The following AKAP7 variants were observed in gnomAD, a reference collection of about 807,000 sequenced individuals.
AKAP7 encodes A-kinase anchoring protein 7, also known as A kinase (PRKA) anchor protein 7.
Under a neutral mutation model 39.5 loss-of-function variants are expected in AKAP7, and 39 were observed. The observed-to-expected ratio is 0.99, with a 90% CI of 0.76 to 1.29. The LOEUF is 1.29. Ranked by LOEUF, AKAP7 falls within the 50% of genes most tolerant of loss-of-function variation. The probability of loss-of-function intolerance (pLI) is 0.00; values close to 1 mark genes in which losing one functional copy is unlikely to be tolerated. For synonymous variants in AKAP7, 140 were observed against 139.1 expected, an observed-to-expected ratio of 1.01 and a Z score of -0.05; for missense variants, 414 against 407.7, an observed-to-expected ratio of 1.02 and a Z score of -0.13.
intron 5 of AKAP7, among the ~76,000 whole-genome samples, chr6:131,197,572 T>G (rs1338813881): frequency 6.6e-6 from 1 of 152,220 alleles, no homozygotes. Context: ...TCTTTATGTT[T>G]TCTTTTTCTT....
At position 131,225,875 on chromosome 6, in the gene AKAP7, C is replaced by G. The variant is rs367973423; in HGVS notation, c.850+6067C>G. 1.2e-4 allele frequency among the ~76,000 whole-genome samples: 18 copies of G among 152,304 alleles called. 1 individual carries two copies. In the East Asian group the frequency reaches 3.3e-3, roughly 28 times the overall value. The stretch of plus-strand genomic sequence containing the variant: ...GGATTTCTTTTACACCCCATCACAT[C>G]TTTTACTGTGTGACTCAGAAATCAC... On this transcript the variant is annotated intron_variant, in intron 7 of 7. Transcript: ENST00000431975.
intron 5 of AKAP7, among the ~76,000 whole-genome samples, chr6:131,178,467 A>T (rs1804784882): frequency 6.6e-6 from 1 of 152,152 alleles, no homozygotes; most frequent in African/African-American, 2.4e-5. Flanking sequence ...GCTTTTCTTA[A>T]AATCCCTTGA....
chr6:131,229,947 A>G (rs1043674253), intron 7 of AKAP7, among the ~76,000 whole-genome samples: 2 of 152,184 alleles, frequency 1.3e-5, no homozygotes, highest in African/African-American at 4.8e-5. Context: ...TCTGTGTAGT[A>G]TTCCATGATG....
chr6:131,150,705 T>C (rs2128230571), intron 2 of AKAP7, among the ~76,000 whole-genome samples: 1 of 152,280 alleles, frequency 6.6e-6, no homozygotes, highest in South Asian at 2.1e-4. Context: ...CCAGGTACTG[T>C]TATTGGTGCT....
intron 1 of AKAP7, chr6:131,137,751 G>A (rs927995685): frequency 2.0e-5 from 3 of 152,058 alleles, no homozygotes; most frequent in African/African-American, 7.2e-5. Context: ...TATATTTAAA[G>A]GTATGGTTTT....
chr6:131,249,177 T>C (rs1705727427), intron 7 of AKAP7, among the ~76,000 whole-genome samples: 1 of 152,182 alleles, frequency 6.6e-6, no homozygotes, highest in African/African-American at 2.4e-5. Flanking sequence ...ACAATATTTC[T>C]AATGTGGAAG....
chr6:131,156,572 C>T (rs924095160), intron 2 of AKAP7, among the ~76,000 whole-genome samples: 2 of 151,810 alleles, frequency 1.3e-5, no homozygotes, highest in Admixed American at 6.6e-5. Context: ...CCCAGGAGTT[C>T]GAGGTTACAG....
chr6:131,230,428 A>AT (rs1203124285), intron 7 of AKAP7, among the ~76,000 whole-genome samples: 4 of 151,938 alleles, frequency 2.6e-5, no homozygotes, highest in Admixed American at 6.6e-5. Context: ...TCCTTTGCCC[A>AT]TTTTTTAATG....
chr6:131,236,761 C>T (rs1811102337), intron 7 of AKAP7, among the ~76,000 whole-genome samples: 2 of 152,212 alleles, frequency 1.3e-5, no homozygotes, highest in South Asian at 4.1e-4. Context: ...ATTTTGTATC[C>T]TGAGACTTTG....
At chr6:131,155,790 C>T (rs10214430) in intron 2 of AKAP7, among the ~76,000 whole-genome samples, 4,951 of 152,176 alleles carry the variant, frequency 0.033, 254 homozygotes, top group East Asian at 0.18. Context: ...GTATTTAACA[C>T]CACTGAAGTT....
intron 2 of AKAP7, among the ~76,000 whole-genome samples, chr6:131,157,156 A>T (rs200535750): frequency 6.6e-6 from 1 of 152,210 alleles, no homozygotes; most frequent in Non-Finnish European, 1.5e-5. Context: ...TAATAATTAT[A>T]ATAGCTAATA....
At chr6:131,147,595 T>G (rs1406610788) in intron 2 of AKAP7, among the ~76,000 whole-genome samples, 1 of 152,248 alleles carries the variant, frequency 6.6e-6, no homozygotes, top group African/African-American at 2.4e-5. Flanking sequence ...CCTCTTAATA[T>G]CCTACTTGTT....
intron 5 of AKAP7, chr6:131,184,556 C>G: frequency 1.4e-6 from 1 of 724,268 alleles, no homozygotes; most frequent in South Asian, 1.5e-5. Context: ...CTTCACTGCC[C>G]CATCATCATG....
At chr6:131,152,306 A>G (rs1801985795) in intron 2 of AKAP7, among the ~76,000 whole-genome samples, 1 of 152,216 alleles carries the variant, frequency 6.6e-6, no homozygotes, top group Non-Finnish European at 1.5e-5. Context: ...TTGATTTTTG[A>G]AATTCTAATT....
rs112742764 is a variant in AKAP7 at position 131,264,515 on chromosome 6, A to G, written c.851-17015A>G. ...CACTGTTTCAAGAAATATATTGTAT[A>G]AAGTGAGTAGGTTTCCCATATTATG... On this transcript the variant is annotated intron_variant, in intron 7 of 7. Coordinates refer to ENST00000431975, the MANE Select transcript of AKAP7 (RefSeq NM_016377.4). Among the ~76,000 whole-genome samples the G allele has an allele frequency of 2.4e-3, 362 of 152,348 alleles. 2 individuals are homozygous for G. Among genetic ancestry groups the G allele is most frequent in the African/African-American group, 8.3e-3 (345 of 41,568 alleles).
At chr6:131,215,322 A>G (rs1431250197) in intron 6 of AKAP7, among the ~76,000 whole-genome samples, 3 of 152,198 alleles carry the variant, frequency 2.0e-5, no homozygotes, top group Non-Finnish European at 2.9e-5. Context: ...GCCAGAGGAG[A>G]AGATGGGAAG....
intron 7 of AKAP7, among the ~76,000 whole-genome samples, chr6:131,222,484 A>G (rs1585121252): frequency 1.3e-5 from 2 of 152,062 alleles, no homozygotes; most frequent in Non-Finnish European, 2.9e-5. Context: ...CCGAGATCAC[A>G]CCACTGCACT....
intron 7 of AKAP7, among the ~76,000 whole-genome samples, chr6:131,248,483 A>G (rs1408170051): frequency 6.6e-6 from 1 of 152,238 alleles, no homozygotes; most frequent in Non-Finnish European, 1.5e-5. Flanking sequence ...AATGTTTAGG[A>G]TAATTGTTCA....
chr6:131,167,848 G>T (rs1803654333), intron 4 of AKAP7, among the ~76,000 whole-genome samples: 1 of 152,092 alleles, frequency 6.6e-6, no homozygotes, highest in South Asian at 2.1e-4. Flanking sequence ...GAAAGATCAA[G>T]AAAAATGCTG....
Sources: gnomAD v4.1 joint callset for allele counts (sites outside exome capture counted in the v4.1 genomes callset) on GRCh38, gnomAD v4.1.1 for gene constraint, MANE v1.5 for transcripts, NCBI Gene and HGNC (gene_info 2026-07-23, HGNC 2026-07-21) for gene names.